The following ZNF799 variants were observed in gnomAD, a reference collection of about 807,000 sequenced individuals.
ZNF799 encodes zinc finger protein 799.
ZNF799 carries 28 observed loss-of-function variants against 41.0 expected under a neutral mutation model. That is an observed-to-expected ratio of 0.68 (90% CI 0.51 to 0.94). The LOEUF (loss-of-function observed/expected upper bound fraction) is 0.94. Among genes scored for constraint, ZNF799 ranks in the 40% least tolerant of loss-of-function variants. The probability of loss-of-function intolerance (pLI) is 0.00; values close to 1 mark genes in which losing one functional copy is unlikely to be tolerated. For missense variants in ZNF799, 716 were observed against 764.3 expected, an observed-to-expected ratio of 0.94 and a Z score of 0.74; for synonymous variants, 213 against 252.9, an observed-to-expected ratio of 0.84 and a Z score of 1.50.
At chr19:12,393,493 T>G in intron 1 of ZNF799, 70 bp from the exon 2 acceptor site, 1 of 1,224,220 alleles carries the variant, frequency 8.2e-7, no homozygotes, top group South Asian at 1.6e-5. Context: ...ACTCACTTCA[T>G]AAATTTCACA....
chr19:12,413,766 A>G, the ZNF799 span, among the ~76,000 whole-genome samples: 1 of 151,620 alleles, frequency 6.6e-6, no homozygotes, highest in Non-Finnish European at 1.5e-5. Context: ...TGTGACCCCT[A>G]TAAAGAGTTA....
At chr19:12,413,306 C>G in the ZNF799 span, among the ~76,000 whole-genome samples, 2 of 152,212 alleles carry the variant, frequency 1.3e-5, no homozygotes, top group South Asian at 4.1e-4. Flanking sequence ...GAGGAGTCCC[C>G]CTCCCTTCTC....
chr19:12,410,254 CATATATATATATATATAT>C, the ZNF799 span, among the ~76,000 whole-genome samples: 126 of 61,994 alleles, frequency 2.0e-3, no homozygotes, highest in African/African-American at 3.9e-3. Context: ...TGTCTGTGTG[CATATATATATATATATAT>C]ATATATATAT....
At chr19:12,409,069 C>G in the ZNF799 span, among the ~76,000 whole-genome samples, 1 of 152,186 alleles carries the variant, frequency 6.6e-6, no homozygotes, top group East Asian at 1.9e-4. Flanking sequence ...GCAGCAGTCC[C>G]CAACCTTTTT....
At chr19:12,404,138 A>G (rs1970015178), upstream of ZNF799, among the ~76,000 whole-genome samples, 1 of 151,986 alleles carries the variant, frequency 6.6e-6, no homozygotes, top group African/African-American at 2.4e-5. Context: ...ATTTTTTTGG[A>G]GAGTTTTAAG....
At chr19:12,410,295 A>ATATC in the ZNF799 span, among the ~76,000 whole-genome samples, 3 of 131,330 alleles carry the variant, frequency 2.3e-5, no homozygotes, top group East Asian at 2.2e-4. Flanking sequence ...ATATATATAT[A>ATATC]TATCTTAGCC....
the ZNF799 span, among the ~76,000 whole-genome samples, chr19:12,414,160 T>C: frequency 2.6e-5 from 4 of 151,936 alleles, no homozygotes; most frequent in Non-Finnish European, 5.9e-5. Flanking sequence ...TATTCACAGT[T>C]CTCACGACCC....
In ZNF799 at chr19:12,399,595, GGAT is replaced by G. The variant is rs545971350; in HGVS notation, c.3+1470_3+1472del. ...TGTCCCCTGGGAGGAGTGACCCAGG[GGAT>G]GATATTCACTAGACCCTCCAAGAGA... On this transcript the variant is annotated intron_variant, in intron 1 of 3. Coordinates refer to ENST00000430385, the MANE Select transcript of ZNF799 (RefSeq NM_001080821.3). 3.8e-4 allele frequency among the ~76,000 whole-genome samples: 57 copies of G among 148,846 alleles called. 1 individual carries two copies. Among genetic ancestry groups the G allele is most frequent in the African/African-American group, 1.2e-3 (46 of 38,544 alleles).
Position 12,390,305 on chromosome 19 carries a change from G to A in ZNF799, c.*161C>T. 6.7e-6 allele frequency: 9 copies of A among 1,334,770 alleles called. No homozygotes were observed. The highest frequency in any genetic ancestry group is 9.2e-6 in the Non-Finnish European group (9 of 980,490). The allele number at this position is 1,334,770 out of a possible 1,614,324, so 82.7% of individuals were successfully genotyped here. A position where few individuals can be genotyped will look rare whatever the true frequency, so the allele number is the denominator to read the frequency against. On this transcript the variant is annotated 3_prime_UTR_variant, in exon 4 of 4. Coordinates refer to ENST00000430385, the MANE Select transcript of ZNF799 (RefSeq NM_001080821.3). ...GGAGTGCTGGAACCAATACCCAGCA[G>A]GTATCAAGGGATGACTGTACTGGAA...
At chr19:12,394,442 T>C (rs1320262412) in intron 1 of ZNF799, 2 of 325,826 alleles carry the variant, frequency 6.1e-6, no homozygotes, top group South Asian at 1.2e-4. Context: ...ATTGGGTCTA[T>C]AATGAACTTT....
At position 12,391,969 on chromosome 19, in the gene ZNF799, A is replaced by C. The variant is rs370871446; in HGVS notation, c.429T>G (p.His143Gln). The C allele has an allele frequency of 9.1e-5, 147 of 1,614,074 alleles. No individual in the cohort carries two copies. The highest frequency in any genetic ancestry group is 4.7e-5 in the Non-Finnish European group (56 of 1,180,042). The change falls in exon 4 of 4, where the codon CAT becomes CAG. Residue 143 changes from histidine to glutamine, a missense_variant. His to Gln is a conservative substitution (Grantham distance 24). Around this residue, in one of 2 missense-constraint regions of ZNF799, gnomAD observed 698 missense variants for 713.6 expected, o/e 0.98. Coordinates refer to ENST00000430385, the MANE Select transcript of ZNF799 (RefSeq NM_001080821.3). ...AACTGAAGGCTTTCCCACGTTGTTT[A>C]TGCGTATCTGGCTTCTCTCCACATT... ...YHECGEKPDT[H>Q]KQRGKAFSYH...
intron 1 of ZNF799, among the ~76,000 whole-genome samples, chr19:12,399,643 CTTT>C (rs35008340): frequency 1.3e-4 from 17 of 128,810 alleles, no homozygotes; most frequent in Admixed American, 1.5e-4. Flanking sequence ...TGTGGACACC[CTTT>C]TTTTTTTTTT....
Position 12,392,303 on chromosome 19 carries a change from A to G in ZNF799, c.192-97T>C, listed in dbSNP as rs564852215. On this transcript the variant is annotated intron_variant, in intron 3 of 3. Transcript: ENST00000430385. ...ATGTACATTTTTAACACTATCATGC[A>G]AAGTGCAGGCTTCGTGTCCTGCTTG... 142 of 1,502,478 alleles carry G rather than the reference A, an allele frequency of 9.5e-5. 1 individual carries two copies. In the Middle Eastern group the frequency reaches 1.1e-3, roughly 11 times the overall value. The allele number at this position is 1,502,478 out of a possible 1,614,324, so 93.1% of individuals were successfully genotyped here. A position where few individuals can be genotyped will look rare whatever the true frequency, so the allele number is the denominator to read the frequency against.
At position 12,390,158 on chromosome 19, in the gene ZNF799, C is replaced by T. The variant is rs1402504564; in HGVS notation, c.*308G>A. On this transcript the variant is annotated 3_prime_UTR_variant, in exon 4 of 4. Coordinates refer to ENST00000430385, the MANE Select transcript of ZNF799 (RefSeq NM_001080821.3). ...AACAATACAATAGAACAACTATTTG[C>T]ATAGCTTTTACAATGCATGAGGTAT... 1.0e-5 allele frequency: 5 copies of T among 498,796 alleles called. No individual in the cohort carries two copies. The highest frequency in any genetic ancestry group is 9.6e-5 in the African/African-American group (5 of 52,182). 30.9% of individuals were successfully genotyped at this position (498,796 alleles called of 1,614,324 possible).
At position 12,391,765 on chromosome 19, in the gene ZNF799, T is replaced by C; in HGVS notation, c.633A>G (p.Leu211=). Residue 211 remains leucine (L), a synonymous_variant, in exon 4 of 4, where the codon TTA becomes TTG. Coordinates refer to ENST00000430385, the MANE Select transcript of ZNF799 (RefSeq NM_001080821.3). ...LCGKAFFWPS[L]LHMHERTHTG... ...TGTGCGTTCTCTCATGCATATGTAA[T>C]AAACTGGGCCAAAAAAACGCTTTCC... 6.2e-7 allele frequency: 1 copy of C among 1,614,138 alleles called. No homozygotes were observed. Among genetic ancestry groups the C allele is most frequent in the East Asian group, 2.2e-5 (1 of 44,882 alleles).
upstream of ZNF799, among the ~76,000 whole-genome samples, chr19:12,405,475 TG>T (rs1970023309): frequency 6.6e-6 from 1 of 152,298 alleles, no homozygotes; most frequent in Non-Finnish European, 1.5e-5. Flanking sequence ...AGAAAATAAA[TG>T]CTAAAGTAGG....
chr19:12,408,895 C>CATA, the ZNF799 span, among the ~76,000 whole-genome samples: 2 of 151,860 alleles, frequency 1.3e-5, no homozygotes, highest in African/African-American at 4.8e-5. Flanking sequence ...ATTAGCTGGG[C>CATA]GTGGTGGCAG....
intron 2 of ZNF799, among the ~76,000 whole-genome samples, chr19:12,392,966 G>C (rs541057466): frequency 3.9e-4 from 59 of 152,064 alleles, no homozygotes; most frequent in African/African-American, 1.2e-3. Flanking sequence ...AGTAAATACA[G>C]TTTCTCTTCC....
At chr19:12,413,042 G>A in the ZNF799 span, among the ~76,000 whole-genome samples, 6 of 80,906 alleles carry the variant, frequency 7.4e-5, no homozygotes, top group Admixed American at 1.6e-4. Context: ...GCAAGACTCC[G>A]TCTCCAAAAA....
Sources: allele counts gnomAD v4.1 joint callset (sites outside exome capture counted in the v4.1 genomes callset), GRCh38; gene constraint gnomAD v4.1.1; regional missense constraint gnomAD v4.1.1; transcripts MANE v1.5; gene names NCBI Gene and HGNC (gene_info 2026-07-23, HGNC 2026-07-21).